The following NEK6 variants were observed in gnomAD, a reference collection of about 807,000 sequenced individuals.
NEK6 encodes the protein serine/threonine-protein kinase Nek6.
Under a neutral mutation model 43.5 loss-of-function variants are expected in NEK6, and 27 were observed. That is an observed-to-expected ratio of 0.62 (90% CI 0.46 to 0.86). The LOEUF is 0.86. Ranked by LOEUF, NEK6 falls within the 40% of genes least tolerant of loss-of-function variation. The pLI is 0.00. For synonymous variants in NEK6, 167 were observed against 164.1 expected, an observed-to-expected ratio of 1.02 and a Z score of -0.14; for missense variants, 318 against 414.4, an observed-to-expected ratio of 0.77 and a Z score of 2.02.
In NEK6 at chr9:124,327,355, G is replaced by C; in HGVS notation, c.532G>C (p.Val178Leu). Reference protein sequence around the residue: ...VMHRDIKPANVFITATGVVKL... With the variant: ...VMHRDIKPANLFITATGVVKL... ...CCCTGCAGACATCAAGCCTGCCAAC[G>C]TGTTCATCACAGCCACGGGCGTCGT... is the stretch of plus-strand genomic sequence containing the variant. The change falls in exon 7 of 10, where the codon GTG (valine) becomes CTG (leucine). Residue 178 changes from valine (V) to leucine (L), a missense_variant. Transcript: ENST00000320246. 6.2e-7 allele frequency: 1 copy of C among 1,613,852 alleles called. No homozygotes were observed. Among genetic ancestry groups the C allele is most frequent in the Non-Finnish European group, 8.5e-7 (1 of 1,179,992 alleles).
At chr9:124,297,813 A>G (rs1307008678) in intron 1 of NEK6, among the ~76,000 whole-genome samples, 2 of 152,178 alleles carry the variant, frequency 1.3e-5, no homozygotes, top group African/African-American at 4.8e-5. Flanking sequence ...CGCATGTGCT[A>G]AGGGTCTTTT....
chr9:124,345,109 G>A (rs992434843), intron 8 of NEK6, among the ~76,000 whole-genome samples: 4 of 152,152 alleles, frequency 2.6e-5, no homozygotes, highest in South Asian at 2.1e-4. Context: ...CCTTTTCCTC[G>A]GCTATATGTC....
rs536035694 is a variant in NEK6 at position 124,291,692 on chromosome 9, G to A, written c.-29-10244G>A. ...CTTTTCAGCATTTTGCTGGGCCCCAGTGTGGATAGGTGGGGAGCGAGCACA... is the reference window on the plus strand; with the variant it reads ...CTTTTCAGCATTTTGCTGGGCCCCAATGTGGATAGGTGGGGAGCGAGCACA... On this transcript the variant is annotated intron_variant, in intron 1 of 9. Coordinates refer to ENST00000320246, the MANE Select transcript of NEK6 (RefSeq NM_014397.6). The A allele has an allele frequency of 2.1e-4, 55 of 265,418 alleles. No homozygotes were observed. In the Admixed American group the frequency reaches 2.5e-3, roughly 12 times the overall value. 16.4% of individuals were successfully genotyped at this position (265,418 alleles called of 1,614,324 possible).
intron 1 of NEK6, among the ~76,000 whole-genome samples, chr9:124,285,824 A>G (rs536442865): frequency 6.6e-6 from 1 of 152,222 alleles, no homozygotes; most frequent in Non-Finnish European, 1.5e-5. Flanking sequence ...ATTGGGCAGC[A>G]TACTGTAAGC....
At chr9:124,296,299 A>G (rs1832686660) in intron 1 of NEK6, among the ~76,000 whole-genome samples, 1 of 152,208 alleles carries the variant, frequency 6.6e-6, no homozygotes, top group African/African-American at 2.4e-5. Flanking sequence ...GCTTTAGGGA[A>G]AACAACCTGT....
At chr9:124,291,490 G>A (rs550220110) in intron 1 of NEK6, among the ~76,000 whole-genome samples, 3 of 152,292 alleles carry the variant, frequency 2.0e-5, no homozygotes, top group South Asian at 2.1e-4. Flanking sequence ...GCCGGGCATG[G>A]TGGTGGGTGT....
At chr9:124,341,805 G>A (rs1397043151) in intron 8 of NEK6, among the ~76,000 whole-genome samples, 1 of 152,216 alleles carries the variant, frequency 6.6e-6, no homozygotes, top group African/African-American at 2.4e-5. Context: ...TTAGCCATAG[G>A]AGACAAGACA....
chr9:124,346,021 A>G lies in NEK6; in HGVS notation c.718-1688A>G, dbSNP rs1176498153. Reference sequence around the variant, plus strand: ...CAGACCCTCCCTGCAGCCCTCCTCCAAGGGTGGGTTTCAGGCTCCACATGG... The same window carrying G: ...CAGACCCTCCCTGCAGCCCTCCTCCGAGGGTGGGTTTCAGGCTCCACATGG... On this transcript the variant is annotated intron_variant, in intron 8 of 9. Coordinates refer to ENST00000320246, the MANE Select transcript of NEK6 (RefSeq NM_014397.6). Among the ~76,000 whole-genome samples, 6 of 151,978 alleles carry G rather than the reference A, an allele frequency of 3.9e-5. No homozygotes were observed. The South Asian group carries it at 6.2e-4, about 16-fold the overall frequency.
At chr9:124,289,309 G>A (rs1189695486) in intron 1 of NEK6, among the ~76,000 whole-genome samples, 1 of 151,616 alleles carries the variant, frequency 6.6e-6, no homozygotes, top group Non-Finnish European at 1.5e-5. Context: ...CAGGACTCAG[G>A]CCTGCATTCC....
At chr9:124,307,813 C>T (rs565067168) in intron 2 of NEK6, among the ~76,000 whole-genome samples, 96 of 152,284 alleles carry the variant, frequency 6.3e-4, no homozygotes, top group Non-Finnish European at 9.9e-4. Context: ...CACAGGTGCA[C>T]GTCGTCAGCC....
intron 1 of NEK6, among the ~76,000 whole-genome samples, chr9:124,291,496 G>T (rs1335568097): frequency 3.3e-5 from 5 of 152,098 alleles, no homozygotes; most frequent in Non-Finnish European, 7.4e-5. Flanking sequence ...CATGGTGGTG[G>T]GTGTCTGTAA....
intron 7 of NEK6, among the ~76,000 whole-genome samples, chr9:124,337,224 G>A (rs1292622705): frequency 6.6e-6 from 1 of 152,164 alleles, no homozygotes; most frequent in African/African-American, 2.4e-5. Flanking sequence ...GTGCCCTGCT[G>A]CCCAGAGATA....
intron 1 of NEK6, among the ~76,000 whole-genome samples, chr9:124,272,343 G>C (rs150376961): frequency 1.3e-5 from 2 of 152,346 alleles, no homozygotes; most frequent in African/African-American, 4.8e-5. Context: ...TGAGCCCCAG[G>C]CATGAAGTCC....
intron 2 of NEK6, among the ~76,000 whole-genome samples, chr9:124,306,277 G>A (rs1434893020): frequency 6.6e-6 from 1 of 152,102 alleles, no homozygotes; most frequent in East Asian, 1.9e-4. Flanking sequence ...AGTCGTCGGA[G>A]CTGGTTCCAT....
At chr9:124,272,339 C>T (rs968706351) in intron 1 of NEK6, among the ~76,000 whole-genome samples, 3 of 152,222 alleles carry the variant, frequency 2.0e-5, no homozygotes, top group Admixed American at 6.5e-5. Context: ...GTAATGAGCC[C>T]CAGGCATGAA....
intron 1 of NEK6, among the ~76,000 whole-genome samples, chr9:124,284,252 G>A (rs1309511989): frequency 6.6e-6 from 1 of 152,250 alleles, no homozygotes; most frequent in Non-Finnish European, 1.5e-5. Context: ...GGGAGGCTGA[G>A]ACACGATAAT....
intron 2 of NEK6, among the ~76,000 whole-genome samples, chr9:124,302,481 C>G (rs1022356374): frequency 6.6e-6 from 1 of 152,240 alleles, no homozygotes; most frequent in Non-Finnish European, 1.5e-5. Flanking sequence ...TTGGTCTTAA[C>G]TGTGTTTCAG....
At chr9:124,282,129 C>T (rs955899891) in intron 1 of NEK6, among the ~76,000 whole-genome samples, 2 of 152,212 alleles carry the variant, frequency 1.3e-5, no homozygotes, top group Admixed American at 6.5e-5. Context: ...AATTCATTCT[C>T]TCTTGGAGAA....
chr9:124,326,531 T>C lies in NEK6; in HGVS notation c.514+93T>C. The C allele has an allele frequency of 4.4e-6, 4 of 916,558 alleles. No homozygotes were observed. In the Middle Eastern group the frequency reaches 7.0e-4, roughly 159 times the overall value. The allele number at this position is 916,558 out of a possible 1,614,324, so 56.8% of individuals were successfully genotyped here. A position where few individuals can be genotyped will look rare whatever the true frequency, so the allele number is the denominator to read the frequency against. The stretch of plus-strand genomic sequence containing the variant: ...CTCCAGGGTCCTCAGGGGCAGCCCC[T>C]TGAGGAAGTTGGACCGCTCTGTATT... On this transcript the variant is annotated intron_variant, in intron 6 of 9. Coordinates refer to ENST00000320246, the MANE Select transcript of NEK6 (RefSeq NM_014397.6). This position sits in a 1 kb window ranked among gnomAD's most constrained non-coding sequence, Gnocchi z 4.5.
Sources: allele counts gnomAD v4.1 joint callset (sites outside exome capture counted in the v4.1 genomes callset), GRCh38; gene constraint gnomAD v4.1.1; non-coding constraint Gnocchi (gnomAD v3.1); transcripts MANE v1.5; gene names NCBI Gene and HGNC (gene_info 2026-07-23, HGNC 2026-07-21).